Variants in SAXO2 observed in about 807,000 individuals in gnomAD.
The protein encoded by SAXO2 is stabilizer of axonemal microtubules 2, also known as family with sequence similarity 154, member B.
A neutral mutation model predicts 18.7 loss-of-function variants in SAXO2; 17 were observed. The ratio of observed to expected loss-of-function variants is 0.91; its 90% CI spans 0.62 to 1.36. The LOEUF is 1.36. Ranked by LOEUF, SAXO2 falls within the 40% of genes most tolerant of loss-of-function variation. SAXO2 has a pLI of 0.00. For synonymous variants in SAXO2, 163 were observed against 181.2 expected (o/e 0.90, Z 0.81); for missense variants, 486 against 562.6 (o/e 0.86, Z 1.38).
intron 3 of SAXO2, among the ~76,000 whole-genome samples, chr15:82,275,718 A>G (rs1489039342): frequency 2.0e-5 from 3 of 152,200 alleles, no homozygotes; most frequent in African/African-American, 7.2e-5. Flanking sequence ...ATTTAATAAA[A>G]TCCAACATCA....
intron 3 of SAXO2, among the ~76,000 whole-genome samples, chr15:82,278,754 AT>A (rs2075337902): frequency 6.6e-6 from 1 of 152,226 alleles, no homozygotes; most frequent in African/African-American, 2.4e-5. Context: ...ATAGAAAAAA[AT>A]GTGGAAAATC....
In SAXO2 at chr15:82,284,119, C is replaced by T. The variant is rs998736279; in HGVS notation, c.*1057C>T. On this transcript the variant is annotated 3_prime_UTR_variant, in exon 4 of 4. Coordinates refer to ENST00000682753, the MANE Select transcript of SAXO2 (RefSeq NM_001348699.2). ...ATCAGACTGTATGGTACATTTTAAT[C>T]CTTAAAGTACAAATGTGGAGGATTT... is the stretch of plus-strand genomic sequence containing the variant. 4.6e-5 allele frequency: 7 copies of T among 152,146 alleles called. No homozygotes were observed. Among genetic ancestry groups the T allele is most frequent in the African/African-American group, 1.7e-4 (7 of 41,404 alleles). The allele number at this position is 152,146 out of a possible 1,614,324, so 9.4% of individuals were successfully genotyped here. A position where few individuals can be genotyped will look rare whatever the true frequency, so the allele number is the denominator to read the frequency against.
chr15:82,263,036 G>A lies in SAXO2; in HGVS notation c.53+104G>A, dbSNP rs2075152080. Reference sequence around the variant, plus strand: ...GGAACCCTGAGAGTGGCCGTCCCCCGGAGATGAAGGGACGAGGGCGCAGCG... The same window carrying A: ...GGAACCCTGAGAGTGGCCGTCCCCCAGAGATGAAGGGACGAGGGCGCAGCG... On this transcript the variant is annotated intron_variant, in intron 1 of 3. Transcript: ENST00000682753. 2.0e-6 allele frequency: 3 copies of A among 1,532,060 alleles called. No homozygotes were observed. In the South Asian group the frequency reaches 3.6e-5, roughly 19 times the overall value. The allele number at this position is 1,532,060 out of a possible 1,614,324, so 94.9% of individuals were successfully genotyped here.
intron 3 of SAXO2, among the ~76,000 whole-genome samples, chr15:82,275,281 C>CA (rs756023248): frequency 0.089 from 4,058 of 45,740 alleles, 392 homozygotes; most frequent in Middle Eastern, 0.14. Context: ...ACCTATCAAC[C>CA]AAAAAAAAAA....
At chr15:82,264,266 T>G (rs2075185089) in intron 1 of SAXO2, among the ~76,000 whole-genome samples, 1 of 151,970 alleles carries the variant, frequency 6.6e-6, no homozygotes, top group Non-Finnish European at 1.5e-5. Flanking sequence ...GAGACGGGGT[T>G]TCACCATGTT....
chr15:82,276,447 C>A (rs1335239958), intron 3 of SAXO2, among the ~76,000 whole-genome samples: 1 of 152,098 alleles, frequency 6.6e-6, no homozygotes, highest in Non-Finnish European at 1.5e-5. Context: ...CATCTCCTGA[C>A]TTCAAACTAT....
intron 1 of SAXO2, chr15:82,263,294 A>T: frequency 7.7e-7 from 1 of 1,294,260 alleles, no homozygotes; most frequent in East Asian, 2.5e-5. Flanking sequence ...CACCACGAAG[A>T]TGAGAAAGAA....
At chr15:82,272,619 G>T (rs563086527) in intron 3 of SAXO2, among the ~76,000 whole-genome samples, 2 of 152,240 alleles carry the variant, frequency 1.3e-5, no homozygotes, top group East Asian at 3.9e-4. Flanking sequence ...TTGGCCCACT[G>T]CAACCTCCAC....
At chr15:82,268,331 T>C (rs748946419) in intron 2 of SAXO2, among the ~76,000 whole-genome samples, 2 of 152,360 alleles carry the variant, frequency 1.3e-5, no homozygotes, top group Middle Eastern at 3.4e-3. Flanking sequence ...GGCTTTCCAA[T>C]TCTGGATTTC....
At chr15:82,276,397 A>G (rs911852833) in intron 3 of SAXO2, among the ~76,000 whole-genome samples, 1 of 152,330 alleles carries the variant, frequency 6.6e-6, no homozygotes, top group East Asian at 1.9e-4. Flanking sequence ...CTGAATAGCC[A>G]AGGCAATCCT....
intron 3 of SAXO2, among the ~76,000 whole-genome samples, chr15:82,274,523 G>A (rs1297195989): frequency 6.6e-6 from 1 of 151,886 alleles, no homozygotes; most frequent in East Asian, 1.9e-4. Context: ...CCAACATGGC[G>A]AAACCCCATC....
intron 3 of SAXO2, among the ~76,000 whole-genome samples, chr15:82,274,700 T>G (rs923074671): frequency 7.9e-6 from 1 of 126,358 alleles, no homozygotes; most frequent in African/African-American, 3.1e-5. Flanking sequence ...TGACTCTGTC[T>G]CAAAAAAAAA....
At chr15:82,269,929 C>T (rs1374721578) in intron 2 of SAXO2, among the ~76,000 whole-genome samples, 2 of 152,112 alleles carry the variant, frequency 1.3e-5, no homozygotes, top group Admixed American at 6.6e-5. Flanking sequence ...AGATTTCTGA[C>T]TATGCGTCTG....
chr15:82,284,381 T>A lies in SAXO2; in HGVS notation c.*1319T>A, dbSNP rs1466334387. 1 of 152,074 alleles carries A rather than the reference T, an allele frequency of 6.6e-6. No homozygotes were observed. The highest frequency in any genetic ancestry group is 1.9e-4 in the East Asian group (1 of 5,184). The allele number at this position is 152,074 out of a possible 1,614,324, so 9.4% of individuals were successfully genotyped here. On this transcript the variant is annotated 3_prime_UTR_variant, in exon 4 of 4. Transcript: ENST00000682753. ...CTTGGAATGGGGTAAATACAGTGGT[T>A]TGAATAACAGTATTTGCAGAAAGGA...
In SAXO2 at chr15:82,282,591, A is replaced by T. The variant is rs1175226180; in HGVS notation, c.906A>T (p.Thr302=). The change falls in exon 4 of 4, where the codon ACA becomes ACT. Residue 302 remains threonine (T), a synonymous_variant. Transcript: ENST00000682753. ...VKKVPEYVPP[T]GSMLLNSTSH... ...AAGTACCAGAGTATGTGCCTCCTACAGGTAGCATGCTGTTAAACAGCACAA... is the reference window on the plus strand; with the variant it reads ...AAGTACCAGAGTATGTGCCTCCTACTGGTAGCATGCTGTTAAACAGCACAA... 6.2e-7 allele frequency: 1 copy of T among 1,614,196 alleles called. No homozygotes were observed. The highest frequency in any genetic ancestry group is 1.7e-5 in the Admixed American group (1 of 60,032).
intron 2 of SAXO2, among the ~76,000 whole-genome samples, chr15:82,267,931 C>G (rs1567088673): frequency 6.6e-6 from 1 of 152,154 alleles, no homozygotes; most frequent in Non-Finnish European, 1.5e-5. Context: ...ATTCTGTTGC[C>G]ACTGATTGAG....
rs373232886 is a variant in SAXO2 at position 82,282,970 on chromosome 15, T to C, written c.1285T>C (p.Tyr429His). 1.2e-6 allele frequency: 2 copies of C among 1,614,168 alleles called. No homozygotes were observed. The highest frequency in any genetic ancestry group is 1.7e-6 in the Non-Finnish European group (2 of 1,180,014). ...AAGACAGGAAATTTGCCCAGCCAGCTATCCCTCTCCTCCAGGTTATATTTT... is the reference window on the plus strand; with the variant it reads ...AAGACAGGAAATTTGCCCAGCCAGCCATCCCTCTCCTCCAGGTTATATTTT... ...PKRQEICPAS[Y>H]PSPPGYIFDN... Residue 429 changes from tyrosine to histidine, a missense_variant, in exon 4 of 4, where the codon TAT (tyrosine) becomes CAT (histidine). Transcript: ENST00000682753.
intron 2 of SAXO2, among the ~76,000 whole-genome samples, chr15:82,270,852 C>G (rs1215059408): frequency 6.6e-6 from 1 of 152,122 alleles, no homozygotes; most frequent in Non-Finnish European, 1.5e-5. Flanking sequence ...TGAAGTTATC[C>G]AAGGTCCTGC....
chr15:82,272,811 A>G (rs1320188208), intron 3 of SAXO2, among the ~76,000 whole-genome samples: 2 of 150,104 alleles, frequency 1.3e-5, no homozygotes, highest in Non-Finnish European at 3.0e-5. Flanking sequence ...CCAAAGTGCT[A>G]AGATCAAAGG....
Sources: allele counts gnomAD v4.1 joint callset (sites outside exome capture counted in the v4.1 genomes callset), GRCh38; gene constraint gnomAD v4.1.1; transcripts MANE v1.5; gene names NCBI Gene and HGNC (gene_info 2026-07-23, HGNC 2026-07-21).